Variants in THRAP3 observed in about 807,000 individuals in gnomAD.
THRAP3 encodes thyroid hormone receptor associated protein 3.
A neutral mutation model predicts 101.0 loss-of-function variants in THRAP3; 16 were observed. The observed-to-expected ratio is 0.16, with a 90% CI of 0.11 to 0.24. THRAP3 has a LOEUF of 0.24. Among genes scored for constraint, THRAP3 ranks in the 10% least tolerant of loss-of-function variants. The pLI is 1.00. For missense variants in THRAP3, 989 were observed against 1,202.7 expected, an observed-to-expected ratio of 0.82 and a Z score of 2.63; for synonymous variants, 407 against 422.6, an observed-to-expected ratio of 0.96 and a Z score of 0.45.
intron 4 of THRAP3, chr1:36,288,114 G>C (rs1273024218): frequency 1.0e-6 from 1 of 984,646 alleles, no homozygotes; most frequent in African/African-American, 1.7e-5. Context: ...GAGATGTTTT[G>C]AATCTGTACT....
rs189872809 is a variant in THRAP3 at position 36,292,740 on chromosome 1, T to C, written c.2030+31T>C. The C allele has an allele frequency of 2.8e-5, 43 of 1,518,834 alleles. No individual in the cohort carries two copies. In the African/African-American group the frequency reaches 5.6e-4, roughly 20 times the overall value. The allele number at this position is 1,518,834 out of a possible 1,614,324, so 94.1% of individuals were successfully genotyped here. ...GACCATGGCCTTATACTGGAGGTTGTAATAAAAGACTTTGTATCAGACATT... is the reference window on the plus strand; with the variant it reads ...GACCATGGCCTTATACTGGAGGTTGCAATAAAAGACTTTGTATCAGACATT... On this transcript the variant is annotated intron_variant, in intron 7 of 11. Transcript: ENST00000354618.
At chr1:36,265,982 C>T (rs1039648983) in intron 2 of THRAP3, among the ~76,000 whole-genome samples, 9 of 151,628 alleles carry the variant, frequency 5.9e-5, no homozygotes, top group Non-Finnish European at 1.3e-4. Context: ...GGTGAGACCC[C>T]GTCTGTATTG....
the THRAP3 span, among the ~76,000 whole-genome samples, chr1:36,209,867 C>T: frequency 6.6e-6 from 1 of 152,144 alleles, no homozygotes; most frequent in South Asian, 2.1e-4. Context: ...AAGGGGACAT[C>T]CCAACTGCAA....
chr1:36,218,446 G>A, the THRAP3 span, among the ~76,000 whole-genome samples: 3 of 145,388 alleles, frequency 2.1e-5, no homozygotes, highest in East Asian at 4.0e-4. Context: ...GCCAGGCGCA[G>A]TTGCTCACGC....
At chr1:36,275,289 C>CA (rs57081471) in intron 2 of THRAP3, among the ~76,000 whole-genome samples, 5 of 101,446 alleles carry the variant, frequency 4.9e-5, no homozygotes, top group African/African-American at 1.5e-4. Flanking sequence ...GAGTCTGTCT[C>CA]AAAAAAAAAA....
chr1:36,253,151 ATGTC>A (rs1645329370), intron 1 of THRAP3, among the ~76,000 whole-genome samples: 1 of 34,790 alleles, frequency 2.9e-5, no homozygotes, highest in African/African-American at 7.2e-5. Context: ...ATCTTTGAAA[ATGTC>A]TTCACACAGA....
At chr1:36,234,383 AGATG>A (rs1645062205) in intron 1 of THRAP3, among the ~76,000 whole-genome samples, 2 of 152,244 alleles carry the variant, frequency 1.3e-5, no homozygotes, top group Non-Finnish European at 2.9e-5. Context: ...GCTCACAGAC[AGATG>A]GTGGTTGAAA....
At chr1:36,263,188 C>T (rs1645469859) in intron 2 of THRAP3, among the ~76,000 whole-genome samples, 1 of 134,580 alleles carries the variant, frequency 7.4e-6, no homozygotes, top group Non-Finnish European at 1.6e-5. Flanking sequence ...CAACCTTGAC[C>T]TCCCAGGCTC....
At position 36,256,201 on chromosome 1, in the gene THRAP3, ATTATTATTG is replaced by A. The variant is rs769960320; in HGVS notation, c.-134-3163_-134-3155del. Among the ~76,000 whole-genome samples, 392 of 146,494 alleles carry A rather than the reference ATTATTATTG, an allele frequency of 2.7e-3. 4 individuals carry two copies. Among genetic ancestry groups the A allele is most frequent in the South Asian group, 5.5e-3 (25 of 4,558 alleles). On this transcript the variant is annotated intron_variant, in intron 1 of 11. Transcript: ENST00000354618. ...CTGGCCTGCCTGGATTATTATTATT[ATTATTATTG>A]TTATTATTGTTATTATTATTATTAT...
intron 1 of THRAP3, among the ~76,000 whole-genome samples, chr1:36,230,903 A>G (rs28403101): frequency 6.6e-6 from 1 of 152,214 alleles, no homozygotes; most frequent in Admixed American, 6.6e-5. Flanking sequence ...TCTGGCAGCC[A>G]TGGATCTGCT....
intron 2 of THRAP3, among the ~76,000 whole-genome samples, chr1:36,260,118 T>G (rs1315366152): frequency 6.6e-6 from 1 of 152,052 alleles, no homozygotes; most frequent in Admixed American, 6.5e-5. Context: ...GGCAGGCACC[T>G]GTAATCCCAG....
At position 36,304,758 on chromosome 1, in the gene THRAP3, G is replaced by A. The variant is rs1480746456; in HGVS notation, c.*741G>A. On this transcript the variant is annotated 3_prime_UTR_variant, in exon 12 of 12. Transcript: ENST00000354618. ...GATTTCTTCTGGGCTGGACTTCCCC[G>A]TTCTCCACCAGCAGCTCCAGTATCC... 1 of 214,286 alleles carries A rather than the reference G, an allele frequency of 4.7e-6. No homozygotes were observed. The highest frequency in any genetic ancestry group is 9.4e-6 in the Non-Finnish European group (1 of 105,920). The allele number at this position is 214,286 out of a possible 1,614,324, so 13.3% of individuals were successfully genotyped here.
At chr1:36,301,841 C>T in intron 11 of THRAP3, 145 bp downstream of exon 11, 2 of 990,668 alleles carry the variant, frequency 2.0e-6, no homozygotes, top group Non-Finnish European at 2.9e-6. Flanking sequence ...TTGCATAGTG[C>T]TAACTAGATG....
intron 1 of THRAP3, among the ~76,000 whole-genome samples, chr1:36,255,807 G>A (rs1422137168): frequency 6.6e-6 from 1 of 151,452 alleles, no homozygotes; most frequent in Non-Finnish European, 1.5e-5. Flanking sequence ...AAGATTGCCA[G>A]GGGTACTTGA....
chr1:36,251,084 G>T lies in THRAP3; in HGVS notation c.-134-8298G>T, dbSNP rs544778703. ...GTCACTGAACTGTACATATAAAAAT[G>T]GTTAAAATGGGCAGTTGTATGTTAT... On this transcript the variant is annotated intron_variant, in intron 1 of 11. Coordinates refer to ENST00000354618, the MANE Select transcript of THRAP3 (RefSeq NM_005119.4). Among the ~76,000 whole-genome samples the T allele has an allele frequency of 1.1e-4, 17 of 152,136 alleles. 1 individual carries two copies. The South Asian group carries it at 3.5e-3, about 32-fold the overall frequency.
chr1:36,252,927 C>CATATATATATAT (rs71053916), intron 1 of THRAP3, among the ~76,000 whole-genome samples: 27 of 76,554 alleles, frequency 3.5e-4, no homozygotes, highest in Non-Finnish European at 4.5e-4. Flanking sequence ...TATAGATAGG[C>CATATATATATAT]ATATATATAT....
intron 1 of THRAP3, among the ~76,000 whole-genome samples, chr1:36,236,634 C>T (rs957951247): frequency 1.3e-5 from 2 of 152,164 alleles, no homozygotes; most frequent in African/African-American, 4.8e-5. Context: ...GCATCTTCTG[C>T]CGGGGCCGGC....
intron 1 of THRAP3, among the ~76,000 whole-genome samples, chr1:36,226,045 G>A (rs1211737265): frequency 2.0e-5 from 3 of 150,502 alleles, no homozygotes; most frequent in African/African-American, 5.0e-5. Flanking sequence ...AATTTTAGCA[G>A]TGGTGATGGT....
the THRAP3 span, among the ~76,000 whole-genome samples, chr1:36,217,012 G>C: frequency 6.6e-6 from 1 of 152,136 alleles, no homozygotes. Flanking sequence ...TGTGAGGGAA[G>C]GGACCACATC....
Sources: gnomAD v4.1 joint callset for allele counts (sites outside exome capture counted in the v4.1 genomes callset) on GRCh38, gnomAD v4.1.1 for gene constraint, MANE v1.5 for transcripts, NCBI Gene and HGNC (gene_info 2026-07-23, HGNC 2026-07-21) for gene names.